The following MINDY3 variants were observed in gnomAD, a reference collection of about 807,000 sequenced individuals.
The protein encoded by MINDY3 is MINDY lysine 48 deubiquitinase 3, also known as ubiquitin carboxyl-terminal hydrolase MINDY-3.
In MINDY3, 38 loss-of-function variants were observed where a neutral mutation model predicts 69.2. The observed-to-expected ratio is 0.55, with a 90% CI of 0.42 to 0.72. The LOEUF is 0.72. Ranked by LOEUF, MINDY3 falls within the 30% of genes least tolerant of loss-of-function variation. The pLI, the probability that MINDY3 is intolerant of heterozygous loss-of-function variation, is 0.00. For synonymous variants in MINDY3, 192 were observed against 180.1 expected (o/e 1.07, Z -0.53); for missense variants, 522 against 519.0 (o/e 1.01, Z -0.06).
At position 15,830,881 on chromosome 10, in the gene MINDY3, G is replaced by T. The variant is rs576878963; in HGVS notation, c.730+2749C>A. 7.2e-4 allele frequency among the ~76,000 whole-genome samples: 110 copies of T among 152,302 alleles called. 2 individuals carry two copies. Among genetic ancestry groups the T allele is most frequent in the Admixed American group, 1.4e-3 (21 of 15,288 alleles). ...TGGAGAGAAAGAGGTTTGTGGCCTG[G>T]TCGTTACACATCACGATTTTTGTTT... On this transcript the variant is annotated intron_variant, in intron 8 of 14. Transcript: ENST00000277632.
At chr10:15,782,120 C>T (rs1836587707) in intron 14 of MINDY3, 35 bp downstream of exon 14, 1 of 1,446,278 alleles carries the variant, frequency 6.9e-7, no homozygotes, top group Admixed American at 1.7e-5. Flanking sequence ...TTCATCAACC[C>T]AGTTGAACAC....
chr10:15,823,009 T>C (rs1588592298), intron 8 of MINDY3, among the ~76,000 whole-genome samples: 1 of 152,186 alleles, frequency 6.6e-6, no homozygotes, highest in Non-Finnish European at 1.5e-5. Context: ...CATCTGGTCA[T>C]GTTTTGTCCA....
chr10:15,792,649 A>G (rs1357932761), intron 11 of MINDY3, among the ~76,000 whole-genome samples: 2 of 152,154 alleles, frequency 1.3e-5, no homozygotes, highest in Non-Finnish European at 2.9e-5. Context: ...AAAATGCAGT[A>G]CACTGAAATC....
chr10:15,821,993 T>G (rs1440513575), intron 8 of MINDY3, among the ~76,000 whole-genome samples: 1 of 152,126 alleles, frequency 6.6e-6, no homozygotes, highest in Non-Finnish European at 1.5e-5. Context: ...TGTTAACTTT[T>G]TAAATGAGAG....
chr10:15,821,014 C>T (rs149565708), intron 9 of MINDY3, among the ~76,000 whole-genome samples: 7 of 152,264 alleles, frequency 4.6e-5, no homozygotes, highest in Middle Eastern at 6.8e-3. Flanking sequence ...TGACATCTTA[C>T]GAAGTGCAAG....
chr10:15,798,927 A>AACTT (rs548542698), intron 10 of MINDY3, among the ~76,000 whole-genome samples: 7 of 152,244 alleles, frequency 4.6e-5, no homozygotes, highest in Admixed American at 2.0e-4. Context: ...GAGCATTTGG[A>AACTT]ACTTAGGCAA....
intron 10 of MINDY3, among the ~76,000 whole-genome samples, chr10:15,814,289 A>C (rs955533346): frequency 1.3e-5 from 2 of 152,072 alleles, no homozygotes; most frequent in African/African-American, 4.8e-5. Flanking sequence ...ACTCCTCTTA[A>C]AGGTAACATC....
At position 15,834,262 on chromosome 10, in the gene MINDY3, A is replaced by G. The variant is rs1588619444; in HGVS notation, c.650+281T>C. ...CTTATTTCTAAGTCAAAATGAATAA[A>G]TTTTCTCATTTAAAAAAATTACAAA... On this transcript the variant is annotated intron_variant, in intron 7 of 14. Transcript: ENST00000277632. 4.6e-5 allele frequency among the ~76,000 whole-genome samples: 7 copies of G among 151,928 alleles called. 1 individual carries two copies. The East Asian group carries it at 1.4e-3, about 29-fold the overall frequency.
At chr10:15,842,340 A>G (rs1833530733) in intron 3 of MINDY3, among the ~76,000 whole-genome samples, 1 of 151,896 alleles carries the variant, frequency 6.6e-6, no homozygotes, top group Admixed American at 6.6e-5. Context: ...TAATCACCAC[A>G]GTATTTATGA....
chr10:15,802,884 T>C (rs1196934292), intron 10 of MINDY3, among the ~76,000 whole-genome samples: 1 of 152,050 alleles, frequency 6.6e-6, no homozygotes, highest in African/African-American at 2.4e-5. Context: ...GTCAACTCTT[T>C]AGGCAATAAC....
At chr10:15,822,099 G>C (rs1471592048) in intron 8 of MINDY3, among the ~76,000 whole-genome samples, 2 of 152,142 alleles carry the variant, frequency 1.3e-5, no homozygotes, top group East Asian at 3.8e-4. Flanking sequence ...AATTGACTTT[G>C]ATTTTGAAAA....
chr10:15,842,669 G>C (rs554749802), intron 3 of MINDY3, among the ~76,000 whole-genome samples: 124 of 151,938 alleles, frequency 8.2e-4, no homozygotes, highest in African/African-American at 2.9e-3. Context: ...AGGAAATTGT[G>C]TAAGTGAAGG....
rs750806440 is a variant in MINDY3 at position 15,841,508 on chromosome 10, T to G, written c.327A>C (p.Ser109=). 6.2e-6 allele frequency: 10 copies of G among 1,611,994 alleles called. No individual in the cohort carries two copies. In the Admixed American group the frequency reaches 6.7e-5, roughly 11 times the overall value. The change falls in exon 4 of 15, where the codon TCA becomes TCC. Residue 109 remains serine (S), a synonymous_variant. Transcript: ENST00000277632. ...CDHSGSYCLV[S]WLRGKTTEET... The stretch of plus-strand genomic sequence containing the variant: ...CCTCAGTTGTCTTTCCTCTTAACCA[T>G]GAAACCAAGCAGTATGATCCAGAGT...
chr10:15,778,955 C>G lies in MINDY3; in HGVS notation c.*37G>C. On this transcript the variant is annotated 3_prime_UTR_variant, in exon 15 of 15. Transcript: ENST00000277632. Reference sequence around the variant, plus strand: ...CAGTCTTGACTCCTTCTTTCAACATCTGTTATTAAGATCTTCCTTATAAAT... The same window carrying G: ...CAGTCTTGACTCCTTCTTTCAACATGTGTTATTAAGATCTTCCTTATAAAT... 4.4e-6 allele frequency: 7 copies of G among 1,582,940 alleles called. No individual in the cohort carries two copies. Among genetic ancestry groups the G allele is most frequent in the Non-Finnish European group, 6.0e-6 (7 of 1,159,028 alleles).
At position 15,779,017 on chromosome 10, in the gene MINDY3, G is replaced by C; in HGVS notation, c.1313C>G (p.Thr438Arg). Reference protein sequence around the residue: ...KWPYIELLWTTDRSPSLN With the variant: ...KWPYIELLWTRDRSPSLN ...TTAATTTAGTGAAGGAGAGCGATCT[G>C]TGGTCCAGAGTAACTCAATGTATGG... Residue 438 changes from threonine to arginine, a missense_variant, in exon 15 of 15, where the codon ACA (threonine) becomes AGA (arginine). Thr to Arg is a moderately conservative substitution (Grantham distance 71). Coordinates refer to ENST00000277632, the MANE Select transcript of MINDY3 (RefSeq NM_024948.4). 6.2e-7 allele frequency: 1 copy of C among 1,613,288 alleles called. No homozygotes were observed. Among genetic ancestry groups the C allele is most frequent in the Non-Finnish European group, 8.5e-7 (1 of 1,179,580 alleles).
At chr10:15,831,409 C>A (rs866639033) in intron 8 of MINDY3, among the ~76,000 whole-genome samples, 1 of 152,094 alleles carries the variant, frequency 6.6e-6, no homozygotes, top group Non-Finnish European at 1.5e-5. Context: ...ACTGAACATT[C>A]GCTTCAAACA....
intron 1 of MINDY3, among the ~76,000 whole-genome samples, chr10:15,853,379 G>A (rs1317753868): frequency 2.0e-5 from 3 of 151,906 alleles, no homozygotes; most frequent in African/African-American, 2.4e-5. Flanking sequence ...TGCCCCTTTC[G>A]CTGTGTTGAC....
intron 1 of MINDY3, among the ~76,000 whole-genome samples, chr10:15,859,703 C>G (rs1834953621): frequency 6.6e-6 from 1 of 152,162 alleles, no homozygotes; most frequent in Non-Finnish European, 1.5e-5. Context: ...TGTTTATACA[C>G]AGACTACCAC....
At chr10:15,841,681 G>A in intron 3 of MINDY3, 82 bp from the exon 4 acceptor site, 2 of 762,236 alleles carry the variant, frequency 2.6e-6, no homozygotes, top group Admixed American at 2.9e-5. Context: ...AGTAAGAATG[G>A]GTTAATGATG....
Sources: allele counts gnomAD v4.1 joint callset (sites outside exome capture counted in the v4.1 genomes callset), GRCh38; gene constraint gnomAD v4.1.1; transcripts MANE v1.5; gene names NCBI Gene and HGNC (gene_info 2026-07-23, HGNC 2026-07-21).